ITGAD: variants seen among roughly 807,000 people sequenced by gnomAD.
ITGAD encodes integrin alpha-D.
Under a neutral mutation model 139.0 loss-of-function variants are expected in ITGAD, and 105 were observed. The observed-to-expected ratio is 0.76, with a 90% CI of 0.65 to 0.89. The LOEUF is 0.89. ITGAD is among the 40% of genes least tolerant of loss of function. The pLI is 0.00. For synonymous variants in ITGAD, 569 were observed against 598.3 expected (o/e 0.95, Z 0.71); for missense variants, 1,384 against 1,487.3 (o/e 0.93, Z 1.14).
In ITGAD at chr16:31,413,093, C is replaced by G; in HGVS notation, c.1843C>G (p.Leu615Val). 1 of 1,614,136 alleles carries G rather than the reference C, an allele frequency of 6.2e-7. No individual in the cohort carries two copies. ...ARGQVLLLRS[L>V]PVLKVGVAMR... ...CCCCACTACTCTGCCCCTCAGGAGT[C>G]TGCCGGTGCTGAAAGTGGGGGTGGC... Residue 615 changes from leucine to valine, a missense_variant, in exon 16 of 30, where the codon CTG becomes GTG. Leu to Val is a conservative substitution (Grantham distance 32, BLOSUM62 1). Transcript: ENST00000389202.
rs1429847724 is a variant in ITGAD at position 31,415,698 on chromosome 16, T to C, written c.2284-515T>C. Among the ~76,000 whole-genome samples, 4 of 152,024 alleles carry C rather than the reference T, an allele frequency of 2.6e-5. No homozygotes were observed. In the South Asian group the frequency reaches 6.2e-4, roughly 24 times the overall value. On this transcript the variant is annotated intron_variant, in intron 18 of 29. Transcript: ENST00000389202. ...TGCCTTCTGCCTTCTCTCCCCGTTT[T>C]CCCCCGAAGCTCCAGCCTTACCTCC...
At chr16:31,396,689 T>C (rs2081270951) in intron 2 of ITGAD, among the ~76,000 whole-genome samples, 1 of 152,204 alleles carries the variant, frequency 6.6e-6, no homozygotes, top group African/African-American at 2.4e-5. Flanking sequence ...GCTTGGCGCA[T>C]TAAAATACAC....
rs1432454275 is a variant in ITGAD, at chr16:31,410,466, G to T, written c.1155G>T (p.Met385Ile). Residue 385 changes from methionine (M) to isoleucine (I), a missense_variant, in exon 11 of 30, where the codon ATG becomes ATT. Transcript: ENST00000389202. ...GTGCCTTCCTGTATCCCCCAAATAT[G>T]AGCCCCACCTTCATCAACATGTCTC... The part of the protein sequence containing the change: ...SGGAFLYPPN[M>I]SPTFINMSQE... 1.6e-5 allele frequency: 26 copies of T among 1,613,960 alleles called. No homozygotes were observed. The highest frequency in any genetic ancestry group is 2.2e-5 in the Non-Finnish European group (26 of 1,179,976).
chr16:31,415,515 T>C (rs2081862651), intron 18 of ITGAD, among the ~76,000 whole-genome samples: 1 of 132,436 alleles, frequency 7.6e-6, no homozygotes, highest in African/African-American at 2.8e-5. Context: ...TAGGCCCTTC[T>C]CCCACCTCCA....
chr16:31,421,429 G>A (rs1289085060), intron 23 of ITGAD, among the ~76,000 whole-genome samples: 1 of 150,152 alleles, frequency 6.7e-6, no homozygotes, highest in African/African-American at 2.5e-5. Flanking sequence ...TTTAAGACCA[G>A]CCTGGGCAAC....
intron 4 of ITGAD, 40 bp downstream of exon 4, chr16:31,397,706 C>CCGGGG: frequency 2.0e-5 from 6 of 299,948 alleles, no homozygotes; most frequent in East Asian, 7.8e-5. Flanking sequence ...TGGGGTGGGG[C>CCGGGG]GGGGGGTGTT....
At chr16:31,414,246 GCCATCCATCCAT>G (rs34319806) in intron 16 of ITGAD, among the ~76,000 whole-genome samples, 193 bp from the exon 17 acceptor site, 5 of 148,632 alleles carry the variant, frequency 3.4e-5, no homozygotes, top group Non-Finnish European at 5.9e-5. Context: ...CTATTATCTA[GCCATCCATCCAT>G]CCATCCATCC....
At chr16:31,400,203 A>C (rs2081369162) in intron 5 of ITGAD, among the ~76,000 whole-genome samples, 1 of 152,248 alleles carries the variant, frequency 6.6e-6, no homozygotes, top group African/African-American at 2.4e-5. Flanking sequence ...GGGGATCTGC[A>C]GCCTGCCCCA....
At chr16:31,412,205 G>A (rs957174675) in intron 14 of ITGAD, among the ~76,000 whole-genome samples, 1 of 151,646 alleles carries the variant, frequency 6.6e-6, no homozygotes, top group Non-Finnish European at 1.5e-5. Context: ...CACCATACCC[G>A]GCTAATTTTT....
intron 9 of ITGAD, 73 bp downstream of exon 9, chr16:31,407,989 T>C: frequency 1.4e-6 from 2 of 1,447,686 alleles, no homozygotes; most frequent in Non-Finnish European, 9.3e-7. Flanking sequence ...CTTTTTTTTT[T>C]TGAGATGGAG....
At chr16:31,420,991 T>TA (rs1006893892) in intron 23 of ITGAD, among the ~76,000 whole-genome samples, 13 of 152,226 alleles carry the variant, frequency 8.5e-5, no homozygotes, top group Non-Finnish European at 1.6e-4. Flanking sequence ...GGAAAATACT[T>TA]ACAATAAGAG....
chr16:31,397,304 C>A (rs1345518634), intron 2 of ITGAD, 55 bp from the exon 3 acceptor site: 2 of 1,260,524 alleles, frequency 1.6e-6, no homozygotes, highest in East Asian at 2.6e-5. Context: ...CCCAAGTGCC[C>A]GCTGCTCCCA....
intron 2 of ITGAD, among the ~76,000 whole-genome samples, chr16:31,396,470 C>T (rs2081266100): frequency 6.6e-6 from 1 of 152,164 alleles, no homozygotes; most frequent in South Asian, 2.1e-4. Flanking sequence ...GAAACTCTGT[C>T]TCAAAAAACA....
chr16:31,397,055 T>TA (rs2081279531), intron 2 of ITGAD, among the ~76,000 whole-genome samples: 1 of 144,476 alleles, frequency 6.9e-6, no homozygotes, highest in Non-Finnish European at 1.5e-5. Flanking sequence ...TTTTGGTCTT[T>TA]AAATAGGTTT....
At chr16:31,409,296 A>AAAC (rs200576846) in intron 10 of ITGAD, among the ~76,000 whole-genome samples, 3 of 151,038 alleles carry the variant, frequency 2.0e-5, no homozygotes, top group African/African-American at 7.3e-5. Context: ...CTCTGTCTCA[A>AAAC]AACAACAACA....
intron 28 of ITGAD, 114 bp from the exon 29 acceptor site, chr16:31,424,353 T>A: frequency 1.6e-6 from 2 of 1,241,236 alleles, no homozygotes; most frequent in Non-Finnish European, 1.2e-6. Context: ...GGTGCTACTG[T>A]GTCTCACTCC....
Position 31,416,311 on chromosome 16 carries a change from C to G in ITGAD, c.2357+25C>G, listed in dbSNP as rs748781156. On this transcript the variant is annotated intron_variant, in intron 19 of 29. Transcript: ENST00000389202. ...GGTGAGCTGTAACTCCCTTCATATC[C>G]AGACACTCAGGCTTCTGAGTCCCCC... The G allele has an allele frequency of 4.7e-5, 74 of 1,580,628 alleles. No individual in the cohort carries two copies. In the East Asian group the frequency reaches 1.6e-3, roughly 35 times the overall value.
chr16:31,424,771 G>T, intron 29 of ITGAD, 194 bp downstream of exon 29: 1 of 427,074 alleles, frequency 2.3e-6, no homozygotes, highest in East Asian at 4.2e-5. Context: ...CTAGTTTTTT[G>T]TATTTTTAGT....
chr16:31,425,895 G>C lies in ITGAD; in HGVS notation c.3373-120G>C, dbSNP rs2082105681. On this transcript the variant is annotated intron_variant, in intron 29 of 29. Coordinates refer to ENST00000389202, the MANE Select transcript of ITGAD (RefSeq NM_005353.3). ...GGGGTTTCACCATGTTGGCCAGGCT[G>C]GTCTCCAGCTCCTGACCTCAGGTGA... is the stretch of plus-strand genomic sequence containing the variant. 28 of 630,640 alleles carry C rather than the reference G, an allele frequency of 4.4e-5. 1 individual carries two copies. In the South Asian group the frequency reaches 5.0e-4, roughly 11 times the overall value. The allele number at this position is 630,640 out of a possible 1,614,324, so 39.1% of individuals were successfully genotyped here. A position where few individuals can be genotyped will look rare whatever the true frequency, so the allele number is the denominator to read the frequency against.
Sources: gnomAD v4.1 joint callset for allele counts (sites outside exome capture counted in the v4.1 genomes callset) on GRCh38, gnomAD v4.1.1 for gene constraint, MANE v1.5 for transcripts, NCBI Gene and HGNC (gene_info 2026-07-23, HGNC 2026-07-21) for gene names.